ARL15: variants seen among roughly 807,000 people sequenced by gnomAD.
ARL15 encodes the protein ARF like GTPase 15.
ARL15 carries 19 observed loss-of-function variants against 25.2 expected under a neutral mutation model. That is an observed-to-expected ratio of 0.75 (90% confidence interval 0.53 to 1.10). The LOEUF is 1.10. Ranked by LOEUF, ARL15 falls within the 50% of genes least tolerant of loss-of-function variation. The pLI, the probability that ARL15 is intolerant of heterozygous loss-of-function variation, is 0.00. For synonymous variants in ARL15, 94 were observed against 86.8 expected (o/e 1.08, Z -0.46); for missense variants, 220 against 246.0 (o/e 0.89, Z 0.71).
intron 1 of ARL15, among the ~76,000 whole-genome samples, chr5:54,178,962 T>C (rs1754968191): frequency 6.6e-6 from 1 of 152,142 alleles, no homozygotes; most frequent in African/African-American, 2.4e-5. Context: ...AAAACTGTAT[T>C]GAACAGCAGA....
intron 4 of ARL15, among the ~76,000 whole-genome samples, chr5:54,047,480 A>G (rs950995007): frequency 5.9e-5 from 9 of 152,174 alleles, no homozygotes; most frequent in Non-Finnish European, 1.0e-4. Context: ...GCCACAGCAG[A>G]AAAAGAGACA....
chr5:53,966,811 T>C (rs979485620), intron 4 of ARL15, among the ~76,000 whole-genome samples: 2 of 152,202 alleles, frequency 1.3e-5, no homozygotes, highest in African/African-American at 4.8e-5. Flanking sequence ...CCTAAAACAA[T>C]GCATCCCCGC....
intron 1 of ARL15, among the ~76,000 whole-genome samples, chr5:54,292,865 T>C (rs1210820515): frequency 1.3e-5 from 2 of 152,232 alleles, no homozygotes; most frequent in Middle Eastern, 3.2e-3. Context: ...GAAGGTAGAC[T>C]ACTGCCCAGG....
chr5:54,191,115 AC>A lies in ARL15; in HGVS notation c.49-19188del, dbSNP rs376158090. ...ATGTGATATATACATATAATCGATT[AC>A]TATTTAGCTATAAAAAGGAAGGAAG... is the stretch of plus-strand genomic sequence containing the variant. On this transcript the variant is annotated intron_variant, in intron 1 of 4. Coordinates refer to ENST00000504924, the MANE Select transcript of ARL15 (RefSeq NM_019087.3). Among the ~76,000 whole-genome samples, 385 of 152,334 alleles carry A rather than the reference AC, an allele frequency of 2.5e-3. 4 individuals are homozygous for A. The highest frequency in any genetic ancestry group is 8.0e-3 in the African/African-American group (334 of 41,560).
rs564068455 is a variant in ARL15, at chr5:53,979,606, C to T, written c.463-92893G>A. 2.0e-5 allele frequency among the ~76,000 whole-genome samples: 3 copies of T among 152,234 alleles called. 1 individual carries two copies. In the South Asian group the frequency reaches 6.2e-4, roughly 32 times the overall value. ...TCATACTATAGCAACCTCTTTTAAT[C>T]CCTATTTTTAGCAGAGGTGCCAGAA... is the stretch of plus-strand genomic sequence containing the variant. On this transcript the variant is annotated intron_variant, in intron 4 of 4. Transcript: ENST00000504924.
chr5:54,093,521 T>C (rs1327193450), intron 4 of ARL15, among the ~76,000 whole-genome samples: 1 of 152,126 alleles, frequency 6.6e-6, no homozygotes, highest in African/African-American at 2.4e-5. Context: ...AGGCTTTTAG[T>C]GGATGTTCTG....
At chr5:53,998,971 G>A (rs56226323) in intron 4 of ARL15, among the ~76,000 whole-genome samples, 2,412 of 152,238 alleles carry the variant, frequency 0.016, 60 homozygotes, top group African/African-American at 0.055. Flanking sequence ...AAGGGATGTG[G>A]GGGCTAATGG....
chr5:54,250,106 G>A (rs1757201834), intron 1 of ARL15, among the ~76,000 whole-genome samples: 1 of 152,182 alleles, frequency 6.6e-6, no homozygotes, highest in African/African-American at 2.4e-5. Context: ...TACAATCATG[G>A]CAGAAGGCTA....
chr5:54,310,015 C>A (rs2112732118), intron 1 of ARL15, among the ~76,000 whole-genome samples: 1 of 152,356 alleles, frequency 6.6e-6, no homozygotes, highest in East Asian at 1.9e-4. Context: ...CTTAGTGAGC[C>A]ATTCTGGTTA....
At chr5:54,093,779 TTTACTC>T (rs1752202470) in intron 4 of ARL15, among the ~76,000 whole-genome samples, 2 of 152,270 alleles carry the variant, frequency 1.3e-5, no homozygotes, top group East Asian at 1.9e-4. Flanking sequence ...AAAAATGACT[TTTACTC>T]TTTTCTTACT....
intron 1 of ARL15, among the ~76,000 whole-genome samples, chr5:54,258,268 G>A (rs1475396166): frequency 6.6e-6 from 1 of 152,014 alleles, no homozygotes; most frequent in African/African-American, 2.4e-5. Flanking sequence ...CAACTTGGGA[G>A]GCTGAGCTGT....
intron 4 of ARL15, among the ~76,000 whole-genome samples, chr5:53,989,674 C>A (rs995669843): frequency 1.3e-5 from 2 of 152,020 alleles, no homozygotes; most frequent in African/African-American, 4.8e-5. Flanking sequence ...AGGTTTGATT[C>A]TCTGCTCTTG....
At chr5:54,035,389 T>A (rs1750135807) in intron 4 of ARL15, among the ~76,000 whole-genome samples, 1 of 152,104 alleles carries the variant, frequency 6.6e-6, no homozygotes. Context: ...AAAGTAACTT[T>A]AAAAAAAACT....
intron 4 of ARL15, among the ~76,000 whole-genome samples, chr5:53,899,331 G>A (rs1744979963): frequency 9.0e-6 from 1 of 111,040 alleles, no homozygotes; most frequent in Non-Finnish European, 1.6e-5. Context: ...CTGGGTAACA[G>A]AGTGAGACTC....
At chr5:54,078,384 T>C (rs1751679305) in intron 4 of ARL15, among the ~76,000 whole-genome samples, 1 of 152,128 alleles carries the variant, frequency 6.6e-6, no homozygotes, top group South Asian at 2.1e-4. Flanking sequence ...TCCAACACCA[T>C]ATGAGTGAAG....
chr5:54,062,894 G>C (rs1751111132), intron 4 of ARL15, among the ~76,000 whole-genome samples: 2 of 152,190 alleles, frequency 1.3e-5, no homozygotes, highest in South Asian at 4.1e-4. Flanking sequence ...TGGAGGATGT[G>C]AATTTTAGCA....
intron 4 of ARL15, among the ~76,000 whole-genome samples, chr5:53,953,545 T>C (rs1377795535): frequency 6.6e-6 from 1 of 152,124 alleles, no homozygotes; most frequent in African/African-American, 2.4e-5. Flanking sequence ...TTTAACCAAC[T>C]GTAGTTGTGA....
At chr5:53,965,024 C>T (rs888415738) in intron 4 of ARL15, among the ~76,000 whole-genome samples, 3 of 152,188 alleles carry the variant, frequency 2.0e-5, no homozygotes, top group Admixed American at 6.5e-5. Flanking sequence ...ATTTGCAAAA[C>T]ATTTCATAAG....
chr5:54,158,107 T>A (rs1754294973), intron 2 of ARL15, among the ~76,000 whole-genome samples: 3 of 152,080 alleles, frequency 2.0e-5, no homozygotes, highest in African/African-American at 7.2e-5. Context: ...AGGGGGAGAA[T>A]TAATATAATA....
Sources: allele counts gnomAD v4.1 joint callset (sites outside exome capture counted in the v4.1 genomes callset), GRCh38; gene constraint gnomAD v4.1.1; transcripts MANE v1.5; gene names NCBI Gene and HGNC (gene_info 2026-07-23, HGNC 2026-07-21).